Variants in CAST observed in about 807,000 individuals in gnomAD.
CAST encodes the protein calpastatin, also known as MIR583 host.
CAST carries 76 observed loss-of-function variants against 119.6 expected under a neutral mutation model. That is an observed-to-expected ratio of 0.64 (90% CI 0.53 to 0.77). The LOEUF (loss-of-function observed/expected upper bound fraction) is 0.77, where lower values mean the gene tolerates loss of function less well. Among genes scored for constraint, CAST ranks in the 30% least tolerant of loss-of-function variants. The pLI is 0.00. For synonymous variants in CAST, 319 were observed against 331.6 expected (o/e 0.96, Z 0.41); for missense variants, 953 against 946.5 (o/e 1.01, Z -0.09).
the CAST span, among the ~76,000 whole-genome samples, chr5:96,102,584 A>G: frequency 1.3e-5 from 2 of 152,126 alleles, no homozygotes; most frequent in African/African-American, 4.8e-5. Flanking sequence ...TCGAAGGTGG[A>G]GTTTTGCCAG....
intron 1 of CAST, among the ~76,000 whole-genome samples, chr5:96,603,099 C>A (rs77121862): frequency 0.083 from 12,621 of 152,118 alleles, 594 homozygotes; most frequent in African/African-American, 0.14. Context: ...GAAATCAATG[C>A]GTAATGGATC....
chr5:96,647,630 A>C (rs185190472), intron 1 of CAST, among the ~76,000 whole-genome samples: 3 of 152,184 alleles, frequency 2.0e-5, no homozygotes, highest in Non-Finnish European at 4.4e-5. Flanking sequence ...ACGTAATCCA[A>C]TATGACAGAT....
intron 24 of CAST, 31 bp downstream of exon 24, chr5:96,757,685 T>TA: frequency 6.9e-7 from 1 of 1,442,100 alleles, no homozygotes; most frequent in Non-Finnish European, 9.6e-7. Flanking sequence ...TTTATTTCTT[T>TA]AGTTTTTTTT....
At chr5:96,162,829 T>C in the CAST span, among the ~76,000 whole-genome samples, 1 of 152,244 alleles carries the variant, frequency 6.6e-6, no homozygotes, top group African/African-American at 2.4e-5. Context: ...ATGATTTTTG[T>C]GTCTATATTG....
intron 19 of CAST, among the ~76,000 whole-genome samples, chr5:96,749,878 G>T (rs1228066447): frequency 6.6e-6 from 1 of 152,158 alleles, no homozygotes; most frequent in Non-Finnish European, 1.5e-5. Context: ...AAATAAGATG[G>T]GACAGTGGTT....
At chr5:96,411,107 T>A in the CAST span, 1 of 798,706 alleles carries the variant, frequency 1.3e-6, no homozygotes, top group Admixed American at 1.9e-5. Context: ...TTGGGATCTA[T>A]TTTCAATTCC....
the CAST span, among the ~76,000 whole-genome samples, chr5:96,241,506 T>G: frequency 1.3e-5 from 2 of 150,466 alleles, no homozygotes; most frequent in African/African-American, 4.9e-5. Flanking sequence ...CTATTGTGAA[T>G]AATGCCGCAA....
intron 22 of CAST, among the ~76,000 whole-genome samples, chr5:96,756,777 G>A (rs1489233897): frequency 6.6e-6 from 1 of 152,058 alleles, no homozygotes; most frequent in Non-Finnish European, 1.5e-5. Context: ...GGATAAATGG[G>A]ATTTACTATT....
the CAST span, among the ~76,000 whole-genome samples, chr5:96,327,612 A>G: frequency 6.6e-6 from 1 of 152,220 alleles, no homozygotes; most frequent in African/African-American, 2.4e-5. Flanking sequence ...TAATTTTAGA[A>G]TCAGTAATAA....
the CAST span, among the ~76,000 whole-genome samples, chr5:96,482,834 G>A: frequency 6.6e-6 from 1 of 152,080 alleles, no homozygotes; most frequent in South Asian, 2.1e-4. Flanking sequence ...AGGAAAAATG[G>A]AGCCCATGAC....
At chr5:96,760,485 G>T (rs7356594) in intron 24 of CAST, among the ~76,000 whole-genome samples, 36,657 of 151,708 alleles carry the variant, frequency 0.24, 4,915 homozygotes, top group Non-Finnish European at 0.32. Flanking sequence ...TTCCTTAAAA[G>T]CAGAAACTAT....
intron 20 of CAST, among the ~76,000 whole-genome samples, chr5:96,751,235 T>A (rs1764982283): frequency 6.6e-6 from 1 of 152,238 alleles, no homozygotes; most frequent in Non-Finnish European, 1.5e-5. Flanking sequence ...AGTTAATGAT[T>A]GAATTTGACT....
chr5:96,737,809 A>G (rs781621233), intron 10 of CAST, 40 bp from the exon 11 acceptor site: 8 of 1,185,476 alleles, frequency 6.7e-6, no homozygotes, highest in Admixed American at 1.9e-5. Context: ...TGAAATATGT[A>G]TAACAAATAA....
intron 1 of CAST, among the ~76,000 whole-genome samples, chr5:96,564,215 C>A (rs1344523952): frequency 6.6e-6 from 1 of 152,172 alleles, no homozygotes. Context: ...AGTGAGGAAT[C>A]CTTTTATGCC....
chr5:96,506,901 T>G, the CAST span, among the ~76,000 whole-genome samples: 1 of 152,140 alleles, frequency 6.6e-6, no homozygotes, highest in South Asian at 2.1e-4. Context: ...ATATGAGGCC[T>G]GGAAAATCAC....
At chr5:96,561,786 G>GTTTTTTTTTTTTT (rs1554067776) in intron 1 of CAST, among the ~76,000 whole-genome samples, 14 of 105,436 alleles carry the variant, frequency 1.3e-4, no homozygotes, top group Admixed American at 2.2e-4. Context: ...TTATATATAT[G>GTTTTTTTTTTTTT]TTTTTTTTTG....
the CAST span, among the ~76,000 whole-genome samples, chr5:96,051,185 A>T: frequency 7.9e-3 from 1,208 of 152,022 alleles, 18 homozygotes; most frequent in African/African-American, 0.028. Context: ...TTGATGCTTG[A>T]TTTTTCATTC....
chr5:96,421,919 T>C, the CAST span: 1 of 1,585,942 alleles, frequency 6.3e-7, no homozygotes, highest in Non-Finnish European at 8.6e-7. Context: ...AAATGGATCA[T>C]GGTCATTATC....
At chr5:96,014,760 A>T in the CAST span, among the ~76,000 whole-genome samples, 1 of 152,206 alleles carries the variant, frequency 6.6e-6, no homozygotes, top group Non-Finnish European at 1.5e-5. Context: ...GAAGAGATGT[A>T]TGCAGATGGG....
Sources: allele counts gnomAD v4.1 joint callset (sites outside exome capture counted in the v4.1 genomes callset), GRCh38; gene constraint gnomAD v4.1.1; transcripts MANE v1.5; gene names NCBI Gene and HGNC (gene_info 2026-07-23, HGNC 2026-07-21).